ZNF148: variants seen among roughly 807,000 people sequenced by gnomAD.
ZNF148 encodes zinc finger protein 148.
ZNF148 carries 7 observed loss-of-function variants against 67.7 expected under a neutral mutation model. That is an observed-to-expected ratio of 0.10 (90% confidence interval 0.06 to 0.19). The LOEUF (loss-of-function observed/expected upper bound fraction) is 0.19, where lower values mean the gene tolerates loss of function less well. Among genes scored for constraint, ZNF148 ranks in the 10% least tolerant of loss-of-function variants. The pLI is 1.00. For synonymous variants in ZNF148, 333 were observed against 330.7 expected (o/e 1.01, Z -0.08); for missense variants, 583 against 947.1 (o/e 0.62, Z 5.05).
chr3:125,329,548 G>A (rs1013559551), intron 2 of ZNF148, among the ~76,000 whole-genome samples: 1 of 151,120 alleles, frequency 6.6e-6, no homozygotes, highest in South Asian at 2.1e-4. Context: ...AGTATAGCTG[G>A]GGTTTCACCA....
intron 7 of ZNF148, among the ~76,000 whole-genome samples, chr3:125,239,287 G>C (rs932416455): frequency 6.6e-6 from 1 of 152,122 alleles, no homozygotes; most frequent in African/African-American, 2.4e-5. Context: ...TATCAGATAA[G>C]GAACGTGTAT....
chr3:125,269,197 G>T (rs1230329676), intron 7 of ZNF148, among the ~76,000 whole-genome samples: 4 of 113,238 alleles, frequency 3.5e-5, no homozygotes, highest in Non-Finnish European at 6.8e-5. Context: ...GTGAAGCCCG[G>T]TCTCTACCAA....
chr3:125,230,154 A>G lies in ZNF148; in HGVS notation c.*2187T>C, dbSNP rs1182580138. On this transcript the variant is annotated 3_prime_UTR_variant, in exon 9 of 9. Coordinates refer to ENST00000360647, the MANE Select transcript of ZNF148 (RefSeq NM_021964.3). Reference sequence around the variant, plus strand: ...TATGCTGGTGATGTTAAAACAACCGAAAAAAACCTCTCCACTGTATCAAAA... The same window carrying G: ...TATGCTGGTGATGTTAAAACAACCGGAAAAAACCTCTCCACTGTATCAAAA... 2 of 152,592 alleles carry G rather than the reference A, an allele frequency of 1.3e-5. No homozygotes were observed. Among genetic ancestry groups the G allele is most frequent in the East Asian group, 3.9e-4 (2 of 5,186 alleles). 9.5% of individuals were successfully genotyped at this position (152,592 alleles called of 1,614,324 possible).
chr3:125,307,218 A>T (rs558786874), intron 4 of ZNF148, among the ~76,000 whole-genome samples: 1 of 152,340 alleles, frequency 6.6e-6, no homozygotes, highest in South Asian at 2.1e-4. Context: ...AGCATAATTC[A>T]CCATATTAAG....
At position 125,226,183 on chromosome 3, in the gene ZNF148, A is replaced by G. The variant is rs565980950; in HGVS notation, c.*6158T>C. The G allele has an allele frequency of 6.5e-6, 1 of 152,794 alleles. No homozygotes were observed. The highest frequency in any genetic ancestry group is 1.5e-5 in the Non-Finnish European group (1 of 68,016). The allele number at this position is 152,794 out of a possible 1,614,324, so 9.5% of individuals were successfully genotyped here. A position where few individuals can be genotyped will look rare whatever the true frequency, so the allele number is the denominator to read the frequency against. On this transcript the variant is annotated 3_prime_UTR_variant, in exon 9 of 9. Transcript: ENST00000360647. ...TAACATTTGACTCTTGCATTTTAGAATAACATTCCACATAAAGCTATAATA... is the reference window on the plus strand; with the variant it reads ...TAACATTTGACTCTTGCATTTTAGAGTAACATTCCACATAAAGCTATAATA...
chr3:125,309,774 G>T (rs1445046251), intron 4 of ZNF148, among the ~76,000 whole-genome samples: 1 of 152,198 alleles, frequency 6.6e-6, no homozygotes, highest in Non-Finnish European at 1.5e-5. Context: ...CACTGGAGAA[G>T]GCGCAGGCTA....
intron 4 of ZNF148, among the ~76,000 whole-genome samples, chr3:125,302,652 T>C (rs1296343035): frequency 1.3e-5 from 2 of 152,170 alleles, no homozygotes; most frequent in Admixed American, 1.3e-4. Context: ...GACTGAATTA[T>C]GGGTTACCAT....
At chr3:125,268,888 G>C (rs1560127745) in intron 7 of ZNF148, among the ~76,000 whole-genome samples, 1 of 152,114 alleles carries the variant, frequency 6.6e-6, no homozygotes, top group Admixed American at 6.5e-5. Context: ...CATAGCAAAA[G>C]AATCAGCAGA....
intron 7 of ZNF148, among the ~76,000 whole-genome samples, chr3:125,258,114 A>AT (rs34388942): frequency 0.58 from 87,974 of 151,470 alleles, 26,502 homozygotes; most frequent in Middle Eastern, 0.74. Flanking sequence ...TGGTAACTGC[A>AT]TTTTTTTTAA....
intron 4 of ZNF148, among the ~76,000 whole-genome samples, chr3:125,298,455 T>C (rs1939405966): frequency 6.6e-6 from 1 of 151,736 alleles, no homozygotes. Context: ...AAATAAATTA[T>C]GGCATATCCT....
intron 3 of ZNF148, among the ~76,000 whole-genome samples, chr3:125,322,996 A>G (rs955844106): frequency 2.6e-5 from 4 of 152,220 alleles, no homozygotes; most frequent in Non-Finnish European, 4.4e-5. Context: ...TAATGAGTGT[A>G]TATGTGTTCA....
intron 4 of ZNF148, among the ~76,000 whole-genome samples, chr3:125,291,122 T>C (rs1938987434): frequency 6.6e-6 from 1 of 152,120 alleles, no homozygotes; most frequent in Non-Finnish European, 1.5e-5. Context: ...CCAAACAAGA[T>C]GACTGACTCC....
At chr3:125,315,657 C>T (rs1376840021) in intron 3 of ZNF148, among the ~76,000 whole-genome samples, 2 of 144,462 alleles carry the variant, frequency 1.4e-5, no homozygotes, top group Admixed American at 7.2e-5. Flanking sequence ...TGCAGTGAGC[C>T]GAGATCGAGC....
intron 1 of ZNF148, among the ~76,000 whole-genome samples, chr3:125,331,979 T>C (rs991809968): frequency 3.9e-5 from 6 of 152,140 alleles, no homozygotes; most frequent in African/African-American, 1.2e-4. Context: ...TCAGAAACAA[T>C]AGATAAAGCA....
intron 1 of ZNF148, among the ~76,000 whole-genome samples, chr3:125,363,379 C>T (rs1011774741): frequency 6.6e-6 from 1 of 152,132 alleles, no homozygotes; most frequent in Non-Finnish European, 1.5e-5. Flanking sequence ...TTCTTAGCTC[C>T]AATCCAGTAC....
intron 1 of ZNF148, among the ~76,000 whole-genome samples, chr3:125,343,271 C>T (rs1485697812): frequency 6.6e-6 from 1 of 151,586 alleles, no homozygotes; most frequent in African/African-American, 2.4e-5. Context: ...AGTAAAAATG[C>T]AAAGTACACA....
At chr3:125,241,370 G>A (rs1392249659) in intron 7 of ZNF148, among the ~76,000 whole-genome samples, 1 of 147,592 alleles carries the variant, frequency 6.8e-6, no homozygotes, top group Non-Finnish European at 1.5e-5. Flanking sequence ...GGCTGGTCTC[G>A]AATTCAGGGA....
chr3:125,322,187 G>A (rs1311206745), intron 3 of ZNF148, among the ~76,000 whole-genome samples: 2 of 151,568 alleles, frequency 1.3e-5, no homozygotes, highest in African/African-American at 2.4e-5. Flanking sequence ...CCACCACCTC[G>A]CACGGCTAAT....
chr3:125,310,707 C>G (rs896808495), intron 4 of ZNF148, among the ~76,000 whole-genome samples: 2 of 152,076 alleles, frequency 1.3e-5, no homozygotes, highest in African/African-American at 4.8e-5. Context: ...ATAAGCAAGC[C>G]TCTACCACTG....
Sources: gnomAD v4.1 joint callset for allele counts (sites outside exome capture counted in the v4.1 genomes callset) on GRCh38, gnomAD v4.1.1 for gene constraint, MANE v1.5 for transcripts, NCBI Gene and HGNC (gene_info 2026-07-23, HGNC 2026-07-21) for gene names.